Variants in PDE4D observed in about 807,000 individuals in gnomAD.
The protein encoded by PDE4D is phosphodiesterase 4D.
A neutral mutation model predicts 87.4 loss-of-function variants in PDE4D; 24 were observed. The observed-to-expected ratio is 0.27, with a 90% CI of 0.20 to 0.39. The LOEUF (loss-of-function observed/expected upper bound fraction) is 0.39, where lower values mean the gene tolerates loss of function less well. Among genes scored for constraint, PDE4D ranks in the 10% least tolerant of loss-of-function variants. The probability of loss-of-function intolerance (pLI) is 1.00; values close to 1 mark genes in which losing one functional copy is unlikely to be tolerated. For synonymous variants in PDE4D, 384 were observed against 383.2 expected, an observed-to-expected ratio of 1.00 and a Z score of -0.02; for missense variants, 714 against 1,041.0, an observed-to-expected ratio of 0.69 and a Z score of 4.32.
chr5:59,277,237 A>G (rs1764992836), intron 1 of PDE4D, among the ~76,000 whole-genome samples: 1 of 152,200 alleles, frequency 6.6e-6, no homozygotes. Flanking sequence ...GTCACACTTC[A>G]AGGTGCATTT....
intron 1 of PDE4D, among the ~76,000 whole-genome samples, chr5:59,427,292 T>C (rs1029992154): frequency 4.5e-5 from 6 of 132,356 alleles, no homozygotes; most frequent in South Asian, 2.6e-4. Context: ...AGTGATTTTA[T>C]ACACACACAC....
chr5:59,346,605 G>A (rs572320445), intron 1 of PDE4D, among the ~76,000 whole-genome samples: 1 of 152,188 alleles, frequency 6.6e-6, no homozygotes, highest in South Asian at 2.1e-4. Context: ...ACACGGATTT[G>A]CTTTAGGAAA....
chr5:59,879,561 T>C (rs1030505015), intron 1 of PDE4D, among the ~76,000 whole-genome samples: 6 of 152,252 alleles, frequency 3.9e-5, no homozygotes, highest in African/African-American at 1.4e-4. Flanking sequence ...ATTTGAAATT[T>C]GTAATTTGTT....
intron 1 of PDE4D, among the ~76,000 whole-genome samples, chr5:59,357,212 C>A (rs1443587715): frequency 6.6e-6 from 1 of 152,102 alleles, no homozygotes; most frequent in Non-Finnish European, 1.5e-5. Context: ...CATGCACACA[C>A]AACAAAAGGT....
intron 1 of PDE4D, among the ~76,000 whole-genome samples, chr5:59,567,324 G>T (rs1583155943): frequency 6.6e-6 from 1 of 152,298 alleles, no homozygotes; most frequent in South Asian, 2.1e-4. Flanking sequence ...TTCTCCTTAA[G>T]TTACCAGCAA....
intron 2 of PDE4D, among the ~76,000 whole-genome samples, chr5:60,138,711 T>A (rs924769704): frequency 1.3e-5 from 2 of 152,062 alleles, no homozygotes; most frequent in African/African-American, 4.8e-5. Flanking sequence ...GAACCAAACT[T>A]CACTAAACCA....
Position 60,073,492 on chromosome 5 carries a change from G to GTT in PDE4D, c.43-84777_43-84776dup, listed in dbSNP as rs70975364. On this transcript the variant is annotated intron_variant, in intron 2 of 16. Coordinates refer to the PDE4D transcript ENST00000502484. Reference sequence around the variant, plus strand: ...TTTATTTTCTGTGTGTTTGCCAGGTGTTTTTTTTTTTTTTTAAATCAGGAT... The same window carrying GTT: ...TTTATTTTCTGTGTGTTTGCCAGGTGTTTTTTTTTTTTTTTTTAAATCAGGAT... Among the ~76,000 whole-genome samples the GTT allele has an allele frequency of 5.6e-3, 797 of 141,908 alleles. 5 individuals carry two copies. The highest frequency in any genetic ancestry group is 0.016 in the African/African-American group (625 of 38,880). The allele number at this position is 141,908 out of a possible 152,430, so 93.1% of individuals were successfully genotyped here. A position where few individuals can be genotyped will look rare whatever the true frequency, so the allele number is the denominator to read the frequency against.
intron 1 of PDE4D, among the ~76,000 whole-genome samples, chr5:59,400,346 A>C (rs1201720455): frequency 8.1e-6 from 1 of 122,730 alleles, no homozygotes; most frequent in African/African-American, 3.5e-5. Context: ...ATGTCCAACA[A>C]CGATAGACTG....
chr5:60,035,125 GTA>G (rs1767647506), intron 2 of PDE4D, among the ~76,000 whole-genome samples: 2 of 152,152 alleles, frequency 1.3e-5, no homozygotes, highest in Middle Eastern at 6.8e-3. Context: ...GCATGGTGAC[GTA>G]TGCCTGTAGT....
At chr5:59,615,976 T>G (rs1829612784) in intron 1 of PDE4D, among the ~76,000 whole-genome samples, 1 of 152,180 alleles carries the variant, frequency 6.6e-6, no homozygotes, top group African/African-American at 2.4e-5. Flanking sequence ...GTCTTTTTTT[T>G]TTTCAATTAT....
intron 1 of PDE4D, among the ~76,000 whole-genome samples, chr5:59,749,273 G>T (rs111672006): frequency 0.17 from 26,360 of 151,964 alleles, 3,013 homozygotes; most frequent in South Asian, 0.26. Flanking sequence ...TTGTTTCTTT[G>T]TTTTTGAGAC....
intron 1 of PDE4D, among the ~76,000 whole-genome samples, chr5:60,228,432 T>C (rs10066896): frequency 0.012 from 1,831 of 152,164 alleles, 24 homozygotes; most frequent in African/African-American, 0.041. Context: ...TTTCTCATAA[T>C]GAACAGAGAA....
chr5:59,072,543 A>T (rs1164077151), intron 5 of PDE4D, among the ~76,000 whole-genome samples: 1 of 152,220 alleles, frequency 6.6e-6, no homozygotes, highest in Non-Finnish European at 1.5e-5. Context: ...ATCAGGAAGT[A>T]TACCCCTTGT....
At chr5:59,770,990 G>A (rs1256784823) in intron 1 of PDE4D, among the ~76,000 whole-genome samples, 3 of 151,968 alleles carry the variant, frequency 2.0e-5, no homozygotes, top group Non-Finnish European at 4.4e-5. Context: ...AAATAGCTGA[G>A]TGTGGTGGCA....
At chr5:60,278,253 A>G (rs574791184) in intron 1 of PDE4D, among the ~76,000 whole-genome samples, 34 of 152,242 alleles carry the variant, frequency 2.2e-4, no homozygotes, top group Middle Eastern at 3.4e-3. Flanking sequence ...TCTGGTCTCC[A>G]TGGTTTCTGA....
At chr5:58,990,925 ATACT>A in intron 8 of PDE4D, 23 bp from the exon 9 acceptor site, 6 of 1,177,614 alleles carry the variant, frequency 5.1e-6, no homozygotes, top group Non-Finnish European at 7.3e-6. Context: ...AAAAAAAAAG[ATACT>A]AAAATATTAG....
At chr5:59,624,652 C>T (rs1382306900) in intron 1 of PDE4D, among the ~76,000 whole-genome samples, 2 of 152,222 alleles carry the variant, frequency 1.3e-5, no homozygotes, top group African/African-American at 4.8e-5. Flanking sequence ...ATTTGGTCTA[C>T]ATCTAATTAA....
At chr5:59,200,056 T>C (rs28460862) in intron 2 of PDE4D, among the ~76,000 whole-genome samples, 21 of 145,106 alleles carry the variant, frequency 1.4e-4, no homozygotes, top group Non-Finnish European at 2.1e-4. Context: ...TGTACACACA[T>C]GCATGTACAC....
chr5:59,565,768 G>A (rs1260640615), intron 1 of PDE4D, among the ~76,000 whole-genome samples: 2 of 152,090 alleles, frequency 1.3e-5, no homozygotes, highest in Admixed American at 6.5e-5. Context: ...AAGTGCAGCT[G>A]TGCCTATGTT....
Sources: gnomAD v4.1 joint callset for allele counts (sites outside exome capture counted in the v4.1 genomes callset) on GRCh38, gnomAD v4.1.1 for gene constraint, MANE v1.5 for transcripts, NCBI Gene and HGNC (gene_info 2026-07-23, HGNC 2026-07-21) for gene names.